CEP83: variants seen among roughly 807,000 people sequenced by gnomAD.
CEP83 encodes the protein centrosomal protein of 83 kDa.
Under a neutral mutation model 101.9 loss-of-function variants are expected in CEP83, and 70 were observed. That is an observed-to-expected ratio of 0.69 (90% CI 0.57 to 0.84). CEP83 has a LOEUF of 0.84. Ranked by LOEUF, CEP83 falls within the 40% of genes least tolerant of loss-of-function variation. CEP83 has a pLI of 0.00. For missense variants in CEP83, 715 were observed against 787.2 expected (o/e 0.91, Z 1.10); for synonymous variants, 264 against 267.9 (o/e 0.99, Z 0.14).
At chr12:94,330,300 T>C (rs2059147936) in intron 14 of CEP83, among the ~76,000 whole-genome samples, 1 of 151,962 alleles carries the variant, frequency 6.6e-6, no homozygotes, top group Non-Finnish European at 1.5e-5. Flanking sequence ...ACACACTTTA[T>C]CATGTCCCTC....
At chr12:94,395,255 A>G (rs2062812647) in intron 6 of CEP83, among the ~76,000 whole-genome samples, 2 of 152,106 alleles carry the variant, frequency 1.3e-5, no homozygotes, top group Admixed American at 1.3e-4. Context: ...TGATGGGTGC[A>G]GCAACCCGAC....
the CEP83 span, among the ~76,000 whole-genome samples, chr12:94,292,793 C>T: frequency 6.6e-6 from 1 of 152,220 alleles, no homozygotes; most frequent in Non-Finnish European, 1.5e-5. Context: ...GAATTTTCCA[C>T]TTGTGGCACC....
At chr12:94,391,273 G>T (rs545973577) in intron 6 of CEP83, among the ~76,000 whole-genome samples, 1 of 152,246 alleles carries the variant, frequency 6.6e-6, no homozygotes, top group Admixed American at 6.5e-5. Context: ...ACTAACAGCG[G>T]ATCTCTCGGC....
At chr12:94,374,171 G>GTA (rs984244350) in intron 8 of CEP83, among the ~76,000 whole-genome samples, 19 of 152,090 alleles carry the variant, frequency 1.2e-4, no homozygotes, top group South Asian at 1.2e-3. Flanking sequence ...ATAGGGAAGA[G>GTA]TATATATATA....
At chr12:94,358,895 A>C (rs1371459034) in intron 11 of CEP83, among the ~76,000 whole-genome samples, 3 of 152,230 alleles carry the variant, frequency 2.0e-5, no homozygotes, top group Non-Finnish European at 4.4e-5. Context: ...CAGCAATGTA[A>C]CATGTCCATA....
At chr12:94,279,727 C>G in the CEP83 span, 4 of 1,226,448 alleles carry the variant, frequency 3.3e-6, no homozygotes, top group Non-Finnish European at 4.6e-6. Context: ...CCTGTCCCCC[C>G]TCCCTGCCCC....
chr12:94,349,614 A>G (rs867953149), intron 11 of CEP83, among the ~76,000 whole-genome samples: 1 of 152,240 alleles, frequency 6.6e-6, no homozygotes, highest in Non-Finnish European at 1.5e-5. Flanking sequence ...ATAGAAGGAC[A>G]CTACCTCAAC....
intron 6 of CEP83, among the ~76,000 whole-genome samples, chr12:94,386,691 G>A (rs929525056): frequency 2.0e-5 from 3 of 152,018 alleles, no homozygotes; most frequent in Admixed American, 6.6e-5. Context: ...TTCAGTAAAC[G>A]CCTTAAAGTA....
chr12:94,390,985 C>A (rs1019247282), intron 6 of CEP83, among the ~76,000 whole-genome samples: 2 of 152,016 alleles, frequency 1.3e-5, no homozygotes, highest in Non-Finnish European at 2.9e-5. Context: ...TGTGAAAAGA[C>A]CAAATCTACG....
intron 14 of CEP83, among the ~76,000 whole-genome samples, chr12:94,318,094 T>C (rs566444351): frequency 6.6e-6 from 1 of 152,328 alleles, no homozygotes; most frequent in Admixed American, 6.5e-5. Flanking sequence ...ATCTCTGATT[T>C]GTCTAAGCAG....
Position 94,310,042 on chromosome 12 carries a change from T to C in CEP83, c.1877A>G (p.His626Arg), listed in dbSNP as rs760355702. Residue 626 changes from histidine to arginine, a missense_variant, in exon 16 of 17, where the codon CAT (histidine) becomes CGT (arginine). Transcript: ENST00000397809. ...CAAAATTAGACTTCGAAATTCATTA[T>C]GTCTTCTCTGTATATCTTTTAGTCT... ...QKRLKDIQRR[H>R]NEFRSLILVP... is the part of the protein sequence containing the mutation. 8 of 1,606,576 alleles carry C rather than the reference T, an allele frequency of 5.0e-6. No homozygotes were observed. In the East Asian group the frequency reaches 1.3e-4, roughly 27 times the overall value.
intron 14 of CEP83, among the ~76,000 whole-genome samples, chr12:94,320,587 T>A (rs974253750): frequency 1.3e-5 from 2 of 152,168 alleles, no homozygotes; most frequent in Middle Eastern, 3.2e-3. Flanking sequence ...TAACAAGCAT[T>A]TGCTTATCTA....
chr12:94,438,781 C>T (rs183449249), intron 1 of CEP83, among the ~76,000 whole-genome samples: 2 of 152,252 alleles, frequency 1.3e-5, no homozygotes, highest in Non-Finnish European at 2.9e-5. Flanking sequence ...GACCACAAAA[C>T]AAGTCTCAAT....
At chr12:94,309,143 G>C (rs959340750) in intron 16 of CEP83, among the ~76,000 whole-genome samples, 1 of 152,150 alleles carries the variant, frequency 6.6e-6, no homozygotes. Flanking sequence ...TCTTCTCTAG[G>C]TATAAAATTC....
At chr12:94,298,914 T>C in the CEP83 span, 1 of 957,084 alleles carries the variant, frequency 1.0e-6, no homozygotes, top group Non-Finnish European at 1.5e-6. Context: ...TCTTTGGGCT[T>C]GGTAAGCTAT....
intron 6 of CEP83, among the ~76,000 whole-genome samples, chr12:94,382,743 T>G (rs2061918362): frequency 6.6e-6 from 1 of 152,012 alleles, no homozygotes; most frequent in South Asian, 2.1e-4. Context: ...ATAAGTTTGT[T>G]GAGGTTTATT....
chr12:94,299,767 C>T, the CEP83 span, among the ~76,000 whole-genome samples: 1 of 152,156 alleles, frequency 6.6e-6, no homozygotes, highest in Non-Finnish European at 1.5e-5. Flanking sequence ...ACTACACTGC[C>T]CAGGCTGGTC....
chr12:94,458,031 T>TA (rs1388510818), intron 1 of CEP83, among the ~76,000 whole-genome samples: 1 of 151,872 alleles, frequency 6.6e-6, no homozygotes, highest in Non-Finnish European at 1.5e-5. Flanking sequence ...ACCCCATCTC[T>TA]ACTAAAAATA....
chr12:94,316,764 T>C (rs1970767072), intron 14 of CEP83, among the ~76,000 whole-genome samples: 1 of 152,236 alleles, frequency 6.6e-6, no homozygotes, highest in South Asian at 2.1e-4. Flanking sequence ...TCTCATTCTT[T>C]TTTATGGCTA....
Sources: allele counts gnomAD v4.1 joint callset (sites outside exome capture counted in the v4.1 genomes callset), GRCh38; gene constraint gnomAD v4.1.1; transcripts MANE v1.5; gene names NCBI Gene and HGNC (gene_info 2026-07-23, HGNC 2026-07-21).